Variants in DAOA observed in about 807,000 individuals in gnomAD.
DAOA encodes the protein D-amino acid oxidase activator.
A neutral mutation model predicts 16.4 loss-of-function variants in DAOA; 15 were observed. The ratio of observed to expected loss-of-function variants is 0.91; its 90% CI spans 0.61 to 1.41. The LOEUF (loss-of-function observed/expected upper bound fraction) is 1.41. Ranked by LOEUF, DAOA falls within the 40% of genes most tolerant of loss-of-function variation. The pLI, the probability that DAOA is intolerant of heterozygous loss-of-function variation, is 0.00. For missense variants in DAOA, 230 were observed against 176.8 expected (o/e 1.30, Z -1.71); for synonymous variants, 75 against 59.1 (o/e 1.27, Z -1.23).
chr13:105,490,823 T>C (rs1191283767), intron 5 of DAOA, 89 bp from the exon 6 acceptor site: 6 of 152,062 alleles, frequency 3.9e-5, no homozygotes, highest in African/African-American at 1.4e-4. Flanking sequence ...AAGTTTATTT[T>C]AAAATACCTA....
chr13:105,481,597 C>A (rs768109539), intron 4 of DAOA, among the ~76,000 whole-genome samples: 4 of 152,126 alleles, frequency 2.6e-5, no homozygotes, highest in Non-Finnish European at 4.4e-5. Flanking sequence ...CTTAATATCC[C>A]ACCCTTAGGA....
chr13:105,469,778 A>G (rs935965689), intron 3 of DAOA, among the ~76,000 whole-genome samples: 4 of 152,200 alleles, frequency 2.6e-5, no homozygotes, highest in Admixed American at 1.3e-4. Flanking sequence ...GAATTTTGTG[A>G]TGTGTGGGGA....
chr13:105,479,028 T>C (rs141574974), intron 4 of DAOA, among the ~76,000 whole-genome samples: 1 of 152,340 alleles, frequency 6.6e-6, no homozygotes, highest in African/African-American at 2.4e-5. Context: ...GGCACTAACA[T>C]ATACTTAGGT....
chr13:105,467,585 T>G (rs1876613380), intron 3 of DAOA: 1 of 136,388 alleles, frequency 7.3e-6, no homozygotes, highest in African/African-American at 3.0e-5. Flanking sequence ...TTCTTTTTCT[T>G]TTTTTTTTTT....
rs1245066489 is a variant in DAOA at position 105,490,102 on chromosome 13, C to T, written c.*21C>T. ...AATGAGTTTGGAAGCAGATTCTTCC[C>T]AGCCAATCCTTCTGATGACAATGTA... is the stretch of plus-strand genomic sequence containing the variant. On this transcript the variant is annotated 3_prime_UTR_variant, in exon 5 of 6. Coordinates refer to ENST00000375936, the MANE Select transcript of DAOA (RefSeq NM_172370.5). 2.2e-5 allele frequency: 34 copies of T among 1,541,292 alleles called. No individual in the cohort carries two copies. Among genetic ancestry groups the T allele is most frequent in the Middle Eastern group, 1.7e-4 (1 of 5,920 alleles).
chr13:105,485,484 T>G (rs1878041660), intron 4 of DAOA, among the ~76,000 whole-genome samples: 1 of 152,206 alleles, frequency 6.6e-6, no homozygotes. Context: ...TTAAAACCTT[T>G]ACATGGTTTC....
chr13:105,472,000 C>T (rs922694669), intron 3 of DAOA, among the ~76,000 whole-genome samples: 3 of 152,128 alleles, frequency 2.0e-5, no homozygotes, highest in Non-Finnish European at 4.4e-5. Flanking sequence ...TTAACCCTAT[C>T]TAAGAACTCA....
chr13:105,468,215 C>T (rs144954823), intron 3 of DAOA, among the ~76,000 whole-genome samples: 9 of 152,334 alleles, frequency 5.9e-5, no homozygotes, highest in South Asian at 2.1e-4. Flanking sequence ...ACCTCCCGGT[C>T]GTTAACATTA....
chr13:105,489,382 C>T (rs1253249570), intron 4 of DAOA, among the ~76,000 whole-genome samples: 2 of 152,176 alleles, frequency 1.3e-5, no homozygotes, highest in African/African-American at 4.8e-5. Flanking sequence ...TAAATTTACT[C>T]ATTTCAAAGC....
rs1297035437 is a variant in DAOA, at chr13:105,490,127, A to T, written c.*46A>T. ...CAGCCAATCCTTCTGATGACAATGT[A>T]GTCTGGCCAACATCTTCACTGGACT... On this transcript the variant is annotated 3_prime_UTR_variant, in exon 5 of 6. Transcript: ENST00000375936. 1 of 1,520,956 alleles carries T rather than the reference A, an allele frequency of 6.6e-7. No individual in the cohort carries two copies. The highest frequency in any genetic ancestry group is 2.5e-5 in the East Asian group (1 of 40,560). 94.2% of individuals were successfully genotyped at this position (1,520,956 alleles called of 1,614,324 possible). A position where few individuals can be genotyped will look rare whatever the true frequency, so the allele number is the denominator to read the frequency against.
chr13:105,489,708 C>A (rs148357581), intron 4 of DAOA, 193 bp from the exon 5 acceptor site: 1 of 1,214,866 alleles, frequency 8.2e-7, no homozygotes, highest in Admixed American at 2.8e-5. Flanking sequence ...GTAGTTGTGG[C>A]AGTTAGACCC....
intron 4 of DAOA, chr13:105,474,922 A>T: frequency 1.5e-6 from 1 of 655,102 alleles, no homozygotes; most frequent in Non-Finnish European, 1.9e-6. Flanking sequence ...ATCTGAAATT[A>T]AGCAGAAGAT....
At chr13:105,484,906 T>C (rs948434391) in intron 4 of DAOA, among the ~76,000 whole-genome samples, 1 of 152,120 alleles carries the variant, frequency 6.6e-6, no homozygotes, top group South Asian at 2.1e-4. Flanking sequence ...CAGGCAATTG[T>C]TGGGATCAAT....
At chr13:105,481,920 T>C (rs1207986197) in intron 4 of DAOA, among the ~76,000 whole-genome samples, 3 of 152,192 alleles carry the variant, frequency 2.0e-5, no homozygotes, top group African/African-American at 7.2e-5. Context: ...AAGACATACC[T>C]GAGACAAAGG....
intron 4 of DAOA, among the ~76,000 whole-genome samples, chr13:105,477,598 C>T (rs9514390): frequency 0.28 from 41,842 of 152,032 alleles, 5,886 homozygotes; most frequent in Non-Finnish European, 0.29. Context: ...TTGGTGCATG[C>T]CTGTAGTCCC....
chr13:105,490,784 G>C (rs72549498), intron 5 of DAOA, 128 bp from the exon 6 acceptor site: 1 of 151,458 alleles, frequency 6.6e-6, no homozygotes, highest in African/African-American at 2.4e-5. Flanking sequence ...GTCTAGTAAG[G>C]TAAAGCAAAA....
intron 4 of DAOA, among the ~76,000 whole-genome samples, chr13:105,474,122 T>C (rs1431680857): frequency 6.6e-6 from 1 of 152,108 alleles, no homozygotes; most frequent in Admixed American, 6.5e-5. Context: ...GTTATAAAAT[T>C]TTCCATGATA....
intron 3 of DAOA, among the ~76,000 whole-genome samples, chr13:105,469,159 G>T (rs183044209): frequency 3.0e-4 from 45 of 152,214 alleles, no homozygotes; most frequent in African/African-American, 1.0e-3. Flanking sequence ...ATACCATAGG[G>T]TTCAATAATA....
Position 105,487,628 on chromosome 13 carries a change from G to C in DAOA, c.282-2273G>C, listed in dbSNP as rs77835074. ...ACGGTTTGCAAGAAAATAATCTAAT[G>C]CTAGAGGGAATAGAGTAAATAATCA... On this transcript the variant is annotated intron_variant, in intron 4 of 5. Transcript: ENST00000375936. 1.2e-3 allele frequency among the ~76,000 whole-genome samples: 175 copies of C among 150,572 alleles called. 1 individual carries two copies. The highest frequency in any genetic ancestry group is 3.8e-3 in the African/African-American group (158 of 41,222).
Sources: gnomAD v4.1 joint callset for allele counts (sites outside exome capture counted in the v4.1 genomes callset) on GRCh38, gnomAD v4.1.1 for gene constraint, MANE v1.5 for transcripts, NCBI Gene and HGNC (gene_info 2026-07-23, HGNC 2026-07-21) for gene names.